Variants in FAF1 observed in about 807,000 individuals in gnomAD.
FAF1 encodes FAS-associated factor 1.
A neutral mutation model predicts 92.5 loss-of-function variants in FAF1; 25 were observed. The ratio of observed to expected loss-of-function variants is 0.27; its 90% confidence interval spans 0.20 to 0.38. The LOEUF is 0.38. Among genes scored for constraint, FAF1 ranks in the 10% least tolerant of loss-of-function variants. The probability of loss-of-function intolerance (pLI) is 1.00; values close to 1 mark genes in which losing one functional copy is unlikely to be tolerated. For synonymous variants in FAF1, 234 were observed against 273.2 expected (o/e 0.86, Z 1.42); for missense variants, 636 against 793.3 (o/e 0.80, Z 2.38).
intron 6 of FAF1, among the ~76,000 whole-genome samples, chr1:50,725,599 G>A (rs1321632710): frequency 6.6e-6 from 1 of 152,120 alleles, no homozygotes; most frequent in Non-Finnish European, 1.5e-5. Context: ...GGGATTACAG[G>A]TGTGTGCCAC....
intron 1 of FAF1, among the ~76,000 whole-genome samples, chr1:50,929,254 C>A (rs745962415): frequency 2.0e-5 from 3 of 151,966 alleles, no homozygotes; most frequent in East Asian, 1.9e-4. Flanking sequence ...ACAGAAAGTT[C>A]TTTCATCATT....
At chr1:50,502,925 T>C (rs149091970) in intron 15 of FAF1, among the ~76,000 whole-genome samples, 3 of 151,452 alleles carry the variant, frequency 2.0e-5, no homozygotes, top group Non-Finnish European at 1.5e-5. Context: ...GCTCAAGTGA[T>C]TTTTTTTTCC....
At chr1:50,923,004 A>G (rs1644977578) in intron 1 of FAF1, among the ~76,000 whole-genome samples, 1 of 152,168 alleles carries the variant, frequency 6.6e-6, no homozygotes, top group South Asian at 2.1e-4. Flanking sequence ...ATATACCAAC[A>G]AATTGGAAAA....
chr1:50,803,384 T>G (rs1449483698), intron 2 of FAF1, among the ~76,000 whole-genome samples: 8 of 152,256 alleles, frequency 5.3e-5, no homozygotes, highest in African/African-American at 7.2e-5. Context: ...GAAACCAGGC[T>G]CTCCCATTTA....
intron 9 of FAF1, among the ~76,000 whole-genome samples, chr1:50,589,275 C>T (rs911148681): frequency 6.6e-6 from 1 of 152,092 alleles, no homozygotes; most frequent in African/African-American, 2.4e-5. Flanking sequence ...AAAGAACCCA[C>T]AGGGGCAGCA....
At chr1:50,944,623 C>CTG (rs1324844848) in intron 1 of FAF1, among the ~76,000 whole-genome samples, 5 of 152,216 alleles carry the variant, frequency 3.3e-5, no homozygotes, top group African/African-American at 1.2e-4. Context: ...TCCCCACTGT[C>CTG]TACCATACAG....
In FAF1 at chr1:50,959,932, G is replaced by T; in HGVS notation, c.-121C>A. The T allele has an allele frequency of 3.8e-6, 2 of 527,322 alleles. No individual in the cohort carries two copies. The highest frequency in any genetic ancestry group is 2.7e-6 in the Non-Finnish European group (1 of 374,294). 32.7% of individuals were successfully genotyped at this position (527,322 alleles called of 1,614,324 possible). ...GCCGGGCGCCGAGGGGCTGGCGGGC[G>T]AGCCGGCGGGCGGGTCGGCGGGCCA... On this transcript the variant is annotated 5_prime_UTR_variant, in exon 1 of 19. Coordinates refer to ENST00000396153, the MANE Select transcript of FAF1 (RefSeq NM_007051.3).
At chr1:50,563,203 C>A (rs150576651) in intron 13 of FAF1, among the ~76,000 whole-genome samples, 1 of 152,272 alleles carries the variant, frequency 6.6e-6, no homozygotes, top group African/African-American at 2.4e-5. Flanking sequence ...TATTACCTAT[C>A]TGTTTTTAGC....
chr1:50,535,954 G>C (rs1040887877), intron 14 of FAF1, among the ~76,000 whole-genome samples: 2 of 152,178 alleles, frequency 1.3e-5, no homozygotes, highest in Admixed American at 6.5e-5. Context: ...CTAAGGTCAA[G>C]CTGGTTAAGT....
At chr1:50,924,658 A>C (rs1644989835) in intron 1 of FAF1, among the ~76,000 whole-genome samples, 2 of 152,248 alleles carry the variant, frequency 1.3e-5, no homozygotes, top group African/African-American at 2.4e-5. Flanking sequence ...GCAGAGCTAT[A>C]GTAACCAAAA....
At chr1:50,858,551 G>C (rs1033523804) in intron 1 of FAF1, among the ~76,000 whole-genome samples, 2 of 151,688 alleles carry the variant, frequency 1.3e-5, no homozygotes, top group Admixed American at 6.6e-5. Context: ...TACACACCAG[G>C]TAAGACTTAG....
chr1:50,703,547 C>T (rs936239843), intron 7 of FAF1, among the ~76,000 whole-genome samples: 1 of 151,882 alleles, frequency 6.6e-6, no homozygotes, highest in African/African-American at 2.4e-5. Flanking sequence ...TTTATTTGTT[C>T]CTGGCAAACT....
rs950679751 is a variant in FAF1 at position 50,663,126 on chromosome 1, A to G, written c.658-7598T>C. On this transcript the variant is annotated intron_variant, in intron 7 of 18. Transcript: ENST00000396153. ...ACAAATTAAAAAGAAGCTAAATTTTAGAAGCTTTCTGAAAAACACAAGTTT... is the reference window on the plus strand; with the variant it reads ...ACAAATTAAAAAGAAGCTAAATTTTGGAAGCTTTCTGAAAAACACAAGTTT... 4.0e-5 allele frequency among the ~76,000 whole-genome samples: 6 copies of G among 151,872 alleles called. 1 individual carries two copies. The highest frequency in any genetic ancestry group is 1.5e-4 in the African/African-American group (6 of 41,130).
intron 1 of FAF1, among the ~76,000 whole-genome samples, chr1:50,865,833 TATA>T (rs145881557): frequency 0.087 from 12,594 of 144,768 alleles, 537 homozygotes; most frequent in African/African-American, 0.099. Context: ...AAACTTAAAG[TATA>T]ATAATAATAA....
At chr1:50,702,209 A>G (rs1657502915) in intron 7 of FAF1, among the ~76,000 whole-genome samples, 4 of 152,088 alleles carry the variant, frequency 2.6e-5, no homozygotes, top group Admixed American at 2.0e-4. Flanking sequence ...GATTTGCTGA[A>G]AGCAAATCAA....
intron 2 of FAF1, among the ~76,000 whole-genome samples, chr1:50,856,878 G>C (rs1644394159): frequency 6.6e-6 from 1 of 151,624 alleles, no homozygotes; most frequent in Admixed American, 6.6e-5. Context: ...ACATTAAAAA[G>C]AATGATGAAC....
chr1:50,917,337 G>C (rs2124728316), intron 1 of FAF1, among the ~76,000 whole-genome samples: 1 of 152,204 alleles, frequency 6.6e-6, no homozygotes, highest in South Asian at 2.1e-4. Flanking sequence ...AGAACTTAAA[G>C]AGGAAGCTGA....
intron 12 of FAF1, among the ~76,000 whole-genome samples, chr1:50,573,762 G>A (rs986657180): frequency 3.3e-5 from 5 of 150,690 alleles, no homozygotes; most frequent in Non-Finnish European, 5.9e-5. Flanking sequence ...TGAGGACACA[G>A]ATATCTGAAT....
chr1:50,880,674 T>C (rs539183700), intron 1 of FAF1, among the ~76,000 whole-genome samples: 62 of 152,280 alleles, frequency 4.1e-4, no homozygotes, highest in Non-Finnish European at 4.7e-4. Flanking sequence ...CCTCCAGAAC[T>C]GTGAGAAAAT....
Sources: allele counts gnomAD v4.1 joint callset (sites outside exome capture counted in the v4.1 genomes callset), GRCh38; gene constraint gnomAD v4.1.1; transcripts MANE v1.5; gene names NCBI Gene and HGNC (gene_info 2026-07-23, HGNC 2026-07-21).